ASCC3: variants seen among roughly 807,000 people sequenced by gnomAD.
The protein encoded by ASCC3 is activating signal cointegrator 1 complex subunit 3.
A neutral mutation model predicts 256.3 loss-of-function variants in ASCC3; 158 were observed. That is an observed-to-expected ratio of 0.62 (90% CI 0.54 to 0.70). The LOEUF is 0.70. Ranked by LOEUF, ASCC3 falls within the 30% of genes least tolerant of loss-of-function variation. The pLI is 0.00. For missense variants in ASCC3, 2,259 were observed against 2,626.0 expected (o/e 0.86, Z 3.05); for synonymous variants, 948 against 883.4 (o/e 1.07, Z -1.30).
chr6:100,602,814 G>A (rs1458470128), intron 33 of ASCC3, among the ~76,000 whole-genome samples: 1 of 151,912 alleles, frequency 6.6e-6, no homozygotes, highest in Non-Finnish European at 1.5e-5. Context: ...AAAAAAGGAA[G>A]CAATGTTCAA....
chr6:100,735,361 G>A (rs756244404), intron 10 of ASCC3, among the ~76,000 whole-genome samples: 4 of 152,138 alleles, frequency 2.6e-5, no homozygotes, highest in Non-Finnish European at 4.4e-5. Flanking sequence ...CCTGCATGGG[G>A]TACTTTTATT....
intron 13 of ASCC3, among the ~76,000 whole-genome samples, chr6:100,682,391 T>C (rs1777350797): frequency 6.6e-6 from 1 of 152,194 alleles, no homozygotes; most frequent in South Asian, 2.1e-4. Flanking sequence ...TTACTAGGCA[T>C]GTATGTGTAA....
chr6:100,633,870 T>A (rs558659928), intron 25 of ASCC3, among the ~76,000 whole-genome samples: 2 of 129,786 alleles, frequency 1.5e-5, no homozygotes, highest in East Asian at 4.8e-4. Context: ...AGAGCAAAAC[T>A]CCGTCTCAAA....
At chr6:100,738,649 C>T (rs536053486) in intron 10 of ASCC3, among the ~76,000 whole-genome samples, 7 of 152,234 alleles carry the variant, frequency 4.6e-5, no homozygotes, top group South Asian at 2.1e-4. Flanking sequence ...TCAGGTAGCA[C>T]GATGCCTCCA....
chr6:100,690,814 T>C (rs753057014), intron 13 of ASCC3, among the ~76,000 whole-genome samples: 1 of 152,140 alleles, frequency 6.6e-6, no homozygotes, highest in Non-Finnish European at 1.5e-5. Context: ...GATCCACACT[T>C]GGCAGTTCAG....
chr6:100,865,023 G>A (rs549294766), intron 2 of ASCC3, among the ~76,000 whole-genome samples: 2 of 152,210 alleles, frequency 1.3e-5, no homozygotes, highest in African/African-American at 4.8e-5. Context: ...TTTTGCTATT[G>A]GTTAGAATGA....
At chr6:100,608,414 T>TTA (rs1168573021) in intron 30 of ASCC3, among the ~76,000 whole-genome samples, 1 of 69,148 alleles carries the variant, frequency 1.4e-5, no homozygotes, top group African/African-American at 7.3e-5. Flanking sequence ...TATATATACC[T>TTA]TATATATATT....
At chr6:100,835,675 T>C (rs1303127706) in intron 4 of ASCC3, among the ~76,000 whole-genome samples, 1 of 152,162 alleles carries the variant, frequency 6.6e-6, no homozygotes, top group Non-Finnish European at 1.5e-5. Flanking sequence ...TTATTAGAGT[T>C]CTGAAGTATA....
chr6:100,808,067 A>C (rs80017244), intron 4 of ASCC3, among the ~76,000 whole-genome samples: 1 of 151,934 alleles, frequency 6.6e-6, no homozygotes, highest in African/African-American at 2.4e-5. Context: ...GCAAGGTTTC[A>C]AGAGAAAATT....
intron 10 of ASCC3, among the ~76,000 whole-genome samples, chr6:100,763,358 C>A (rs1394589444): frequency 1.3e-5 from 2 of 152,148 alleles, no homozygotes; most frequent in African/African-American, 2.4e-5. Flanking sequence ...CTTACACAGT[C>A]AAAAATTACT....
Position 100,650,616 on chromosome 6 carries a change from G to C in ASCC3, c.3174C>G (p.Asn1058Lys), listed in dbSNP as rs1295982162. The change falls in exon 20 of 42, where the codon AAC becomes AAG. Residue 1058 changes from asparagine to lysine, a missense_variant. Transcript: ENST00000369162. ...GGCTGATATAAGTTTGAAGTAAGAT[G>C]TTTATTTTCCCATAACTATTCTCTA... ...GGVENSYGKINILLQTYISRG... is the reference protein window; with the variant it reads ...GGVENSYGKIKILLQTYISRG... The C allele has an allele frequency of 6.2e-7, 1 of 1,612,682 alleles. No individual in the cohort carries two copies. The highest frequency in any genetic ancestry group is 8.5e-7 in the Non-Finnish European group (1 of 1,179,122).
At chr6:100,811,260 T>C (rs768107103) in intron 4 of ASCC3, among the ~76,000 whole-genome samples, 1 of 152,178 alleles carries the variant, frequency 6.6e-6, no homozygotes, top group Non-Finnish European at 1.5e-5. Context: ...TTTATAAATG[T>C]TAACATTAAA....
At chr6:100,722,461 AAAAG>A (rs1293128145) in intron 11 of ASCC3, among the ~76,000 whole-genome samples, 5 of 151,736 alleles carry the variant, frequency 3.3e-5, no homozygotes, top group African/African-American at 4.8e-5. Context: ...TTGAAATTGA[AAAAG>A]AAAGAAAAGA....
chr6:100,754,326 T>C (rs1436557703), intron 10 of ASCC3, among the ~76,000 whole-genome samples: 2 of 152,130 alleles, frequency 1.3e-5, no homozygotes, highest in African/African-American at 4.8e-5. Flanking sequence ...TGACCTGGTG[T>C]TGATTTCTTT....
rs78769945 is a variant in ASCC3 at position 100,587,300 on chromosome 6, TA to T, written c.5550+2333del. On this transcript the variant is annotated intron_variant, in intron 36 of 41. Coordinates refer to ENST00000369162, the MANE Select transcript of ASCC3 (RefSeq NM_006828.4). Reference sequence around the variant, plus strand: ...GAGTCATTTGGTAGTCTTTTCATGGTAAAAAAAAAAAAAAGTCATTTAAAGA... The same window carrying T: ...GAGTCATTTGGTAGTCTTTTCATGGTAAAAAAAAAAAAAGTCATTTAAAGA... Among the ~76,000 whole-genome samples, 844 of 137,524 alleles carry T rather than the reference TA, an allele frequency of 6.1e-3. 1 individual carries two copies. Among genetic ancestry groups the T allele is most frequent in the East Asian group, 0.021 (103 of 4,826 alleles). 90.2% of individuals were successfully genotyped at this position (137,524 alleles called of 152,430 possible). A position where few individuals can be genotyped will look rare whatever the true frequency, so the allele number is the denominator to read the frequency against.
intron 12 of ASCC3, among the ~76,000 whole-genome samples, chr6:100,716,090 A>G (rs1433442707): frequency 6.6e-6 from 1 of 151,902 alleles, no homozygotes; most frequent in Non-Finnish European, 1.5e-5. Flanking sequence ...GAAATCTAAT[A>G]TAAAATTTAT....
In ASCC3 at chr6:100,642,775, AAT is replaced by A. The variant is rs762193681; in HGVS notation, c.3733-28_3733-27del. Reference sequence around the variant, plus strand: ...CTAATATGAAATACAGTCAAAAATAAATATGGATATTCTAATAGCATAAAGGC... The same window carrying A: ...CTAATATGAAATACAGTCAAAAATAAATGGATATTCTAATAGCATAAAGGC... On this transcript the variant is annotated intron_variant, in intron 23 of 41. Transcript: ENST00000369162. The A allele has an allele frequency of 4.4e-6, 7 of 1,581,490 alleles. No homozygotes were observed. In the African/African-American group the frequency reaches 9.4e-5, roughly 21 times the overall value.
chr6:100,809,809 T>C (rs1446542842), intron 4 of ASCC3, among the ~76,000 whole-genome samples: 1 of 152,092 alleles, frequency 6.6e-6, no homozygotes, highest in African/African-American at 2.4e-5. Context: ...TTGTAAAGTA[T>C]ATGAAGTAAA....
At chr6:100,664,846 T>C (rs976779335) in intron 14 of ASCC3, among the ~76,000 whole-genome samples, 2 of 152,232 alleles carry the variant, frequency 1.3e-5, no homozygotes, top group Non-Finnish European at 2.9e-5. Flanking sequence ...CAAGAGTGGA[T>C]ATTCAAAGCC....
Sources: gnomAD v4.1 joint callset for allele counts (sites outside exome capture counted in the v4.1 genomes callset) on GRCh38, gnomAD v4.1.1 for gene constraint, MANE v1.5 for transcripts, NCBI Gene and HGNC (gene_info 2026-07-23, HGNC 2026-07-21) for gene names.